FBXW7: variants seen among roughly 807,000 people sequenced by gnomAD.
The protein encoded by FBXW7 is F-box/WD repeat-containing protein 7.
In FBXW7, 11 loss-of-function variants were observed where a neutral mutation model predicts 86.3. That is an observed-to-expected ratio of 0.13 (90% CI 0.08 to 0.21). The LOEUF (loss-of-function observed/expected upper bound fraction) is 0.21, where lower values mean the gene tolerates loss of function less well. Among genes scored for constraint, FBXW7 ranks in the 10% least tolerant of loss-of-function variants. The probability of loss-of-function intolerance (pLI) is 1.00; values close to 1 mark genes in which losing one functional copy is unlikely to be tolerated. For synonymous variants in FBXW7, 313 were observed against 297.9 expected (o/e 1.05, Z -0.52); for missense variants, 488 against 847.4 (o/e 0.58, Z 5.27).
intron 2 of FBXW7, among the ~76,000 whole-genome samples, chr4:152,506,255 C>T (rs1162055890): frequency 6.6e-6 from 1 of 152,084 alleles, no homozygotes; most frequent in Non-Finnish European, 1.5e-5. Flanking sequence ...CCTCAGCCTC[C>T]TGAGTAGCTG....
At chr4:152,327,889 AAGAG>A (rs1165546224) in intron 11 of FBXW7, among the ~76,000 whole-genome samples, 2 of 151,936 alleles carry the variant, frequency 1.3e-5, no homozygotes, top group Non-Finnish European at 2.9e-5. Context: ...ATATCAAAAA[AAGAG>A]AGAGAAAACA....
At chr4:152,404,249 T>C (rs904525667) in intron 4 of FBXW7, among the ~76,000 whole-genome samples, 14 of 152,290 alleles carry the variant, frequency 9.2e-5, no homozygotes, top group African/African-American at 2.2e-4. Flanking sequence ...TTATACACCA[T>C]GTAAAGTCAT....
At chr4:152,434,316 C>T (rs1740183014) in intron 2 of FBXW7, among the ~76,000 whole-genome samples, 1 of 152,158 alleles carries the variant, frequency 6.6e-6, no homozygotes, top group Non-Finnish European at 1.5e-5. Flanking sequence ...TGCAAACTTG[C>T]TATGTGGTAC....
In FBXW7 at chr4:152,322,172, G is replaced by A; in HGVS notation, c.*709C>T. The A allele has an allele frequency of 4.3e-6, 1 of 233,282 alleles. No individual in the cohort carries two copies. The highest frequency in any genetic ancestry group is 1.3e-3 in the Middle Eastern group (1 of 786). 14.5% of individuals were successfully genotyped at this position (233,282 alleles called of 1,614,324 possible). A position where few individuals can be genotyped will look rare whatever the true frequency, so the allele number is the denominator to read the frequency against. On this transcript the variant is annotated 3_prime_UTR_variant, in exon 14 of 14. Transcript: ENST00000281708. ...ATTTGAAGACCTACTTCTAGCACCA[G>A]CATCAAGAATTAAATCCATCTCAGG...
chr4:152,378,983 GAGAC>G (rs1734810813), intron 4 of FBXW7, among the ~76,000 whole-genome samples: 1 of 152,138 alleles, frequency 6.6e-6, no homozygotes, highest in African/African-American at 2.4e-5. Flanking sequence ...TCCAGCCTGG[GAGAC>G]AGAGTGAGAC....
intron 2 of FBXW7, among the ~76,000 whole-genome samples, chr4:152,457,182 T>C (rs1742487687): frequency 6.6e-6 from 1 of 152,146 alleles, no homozygotes. Flanking sequence ...ATATACAAAC[T>C]GACCTACAGT....
At chr4:152,492,957 T>C (rs1307824059) in intron 2 of FBXW7, among the ~76,000 whole-genome samples, 1 of 151,724 alleles carries the variant, frequency 6.6e-6, no homozygotes, top group Non-Finnish European at 1.5e-5. Context: ...AGGTATGCAG[T>C]TCCTTCATAA....
chr4:152,449,081 ACTG>A (rs1741675649), intron 2 of FBXW7, among the ~76,000 whole-genome samples: 1 of 152,208 alleles, frequency 6.6e-6, no homozygotes, highest in African/African-American at 2.4e-5. Flanking sequence ...CTGGAAAAGA[ACTG>A]CTGCTGCATT....
chr4:152,391,773 T>G (rs1456766868), intron 4 of FBXW7, among the ~76,000 whole-genome samples: 1 of 152,156 alleles, frequency 6.6e-6, no homozygotes, highest in Non-Finnish European at 1.5e-5. Flanking sequence ...CTTACAAATT[T>G]GCCCAAGGTA....
chr4:152,455,240 T>C (rs1234551038), intron 2 of FBXW7, among the ~76,000 whole-genome samples: 1 of 152,222 alleles, frequency 6.6e-6, no homozygotes, highest in Non-Finnish European at 1.5e-5. Flanking sequence ...GTATAAATGA[T>C]TGCTGCTATA....
At position 152,366,403 on chromosome 4, in the gene FBXW7, C is replaced by T. The variant is rs115961264; in HGVS notation, c.502-16279G>A. Among the ~76,000 whole-genome samples, 482 of 152,214 alleles carry T rather than the reference C, an allele frequency of 3.2e-3. 1 individual carries two copies. Among genetic ancestry groups the T allele is most frequent in the Non-Finnish European group, 4.3e-3 (293 of 68,010 alleles). ...TTTAGCAATGCTTGTTAAAGTACACCACTTCTCACAGGTCTCATTTAAATC... is the reference window on the plus strand; with the variant it reads ...TTTAGCAATGCTTGTTAAAGTACACTACTTCTCACAGGTCTCATTTAAATC... On this transcript the variant is annotated intron_variant, in intron 4 of 13. Transcript: ENST00000281708.
At chr4:152,489,899 A>G (rs1560960882) in intron 2 of FBXW7, among the ~76,000 whole-genome samples, 2 of 152,020 alleles carry the variant, frequency 1.3e-5, no homozygotes, top group African/African-American at 4.8e-5. Flanking sequence ...AGCCATACCA[A>G]TGTTTTCAGT....
intron 2 of FBXW7, among the ~76,000 whole-genome samples, chr4:152,445,576 T>A (rs1488521601): frequency 6.6e-6 from 1 of 152,132 alleles, no homozygotes; most frequent in Non-Finnish European, 1.5e-5. Flanking sequence ...AAAATAATCA[T>A]TAGAGTCTTT....
chr4:152,486,987 A>G (rs1310349220), intron 2 of FBXW7, among the ~76,000 whole-genome samples: 1 of 152,188 alleles, frequency 6.6e-6, no homozygotes, highest in Admixed American at 6.6e-5. Context: ...TCATGGGATC[A>G]ATGTCGTATA....
At chr4:152,387,898 C>T (rs914908814) in intron 4 of FBXW7, among the ~76,000 whole-genome samples, 1 of 151,806 alleles carries the variant, frequency 6.6e-6, no homozygotes, top group Non-Finnish European at 1.5e-5. Context: ...TTAGTAGAGA[C>T]AGGGTTTTAC....
At chr4:152,345,250 A>G (rs1731150705) in intron 6 of FBXW7, among the ~76,000 whole-genome samples, 1 of 152,204 alleles carries the variant, frequency 6.6e-6, no homozygotes, top group African/African-American at 2.4e-5. Context: ...AGGAAAAAAT[A>G]AAAATTAATT....
chr4:152,475,223 T>C (rs1347785307), intron 2 of FBXW7, among the ~76,000 whole-genome samples: 1 of 150,570 alleles, frequency 6.6e-6, no homozygotes, highest in Non-Finnish European at 1.5e-5. Flanking sequence ...GAGACTGGAG[T>C]TCAAGACCAG....
At chr4:152,528,952 G>A (rs1478245221) in intron 2 of FBXW7, among the ~76,000 whole-genome samples, 1 of 152,084 alleles carries the variant, frequency 6.6e-6, no homozygotes, top group Non-Finnish European at 1.5e-5. Flanking sequence ...GTGTGTGTGT[G>A]TGTGTGTACA....
chr4:152,383,323 C>T (rs1049736028), intron 4 of FBXW7, among the ~76,000 whole-genome samples: 1 of 152,014 alleles, frequency 6.6e-6, no homozygotes, highest in African/African-American at 2.4e-5. Flanking sequence ...TGCAGTGTGC[C>T]GTTTACTCCT....
Sources: allele counts gnomAD v4.1 joint callset (sites outside exome capture counted in the v4.1 genomes callset), GRCh38; gene constraint gnomAD v4.1.1; transcripts MANE v1.5; gene names NCBI Gene and HGNC (gene_info 2026-07-23, HGNC 2026-07-21).